RBPJ: variants seen among roughly 807,000 people sequenced by gnomAD.
RBPJ encodes the protein recombination signal binding protein for immunoglobulin kappa J region, also known as recombining binding protein suppressor of hairless.
Under a neutral mutation model 67.8 loss-of-function variants are expected in RBPJ, and 9 were observed. The observed-to-expected ratio is 0.13, with a 90% CI of 0.08 to 0.23. The LOEUF (loss-of-function observed/expected upper bound fraction) is 0.23, where lower values mean the gene tolerates loss of function less well. Among genes scored for constraint, RBPJ ranks in the 10% least tolerant of loss-of-function variants. RBPJ has a pLI of 1.00. For synonymous variants in RBPJ, 198 were observed against 203.3 expected (o/e 0.97, Z 0.22); for missense variants, 305 against 595.6 (o/e 0.51, Z 5.08).
At chr4:26,346,715 G>A (rs528899649) in intron 1 of RBPJ, among the ~76,000 whole-genome samples, 2 of 152,250 alleles carry the variant, frequency 1.3e-5, no homozygotes, top group South Asian at 2.1e-4. Context: ...TTGGCCGGGC[G>A]CTGCGGCTCA....
chr4:26,426,358 AAGTACC>A (rs1735670693), intron 7 of RBPJ, among the ~76,000 whole-genome samples: 1 of 152,202 alleles, frequency 6.6e-6, no homozygotes, highest in African/African-American at 2.4e-5. Flanking sequence ...GTTGTTTGTA[AAGTACC>A]AGTAGCCTGC....
intron 1 of RBPJ, among the ~76,000 whole-genome samples, chr4:26,206,933 T>C (rs1718189771): frequency 6.6e-6 from 1 of 152,168 alleles, no homozygotes; most frequent in South Asian, 2.1e-4. Flanking sequence ...ATACCTGTTC[T>C]GAAAAATCAT....
chr4:26,254,806 G>T (rs372699414), intron 1 of RBPJ, among the ~76,000 whole-genome samples: 2 of 137,530 alleles, frequency 1.5e-5, no homozygotes, highest in African/African-American at 3.0e-5. Flanking sequence ...GCCTCCAGAG[G>T]AGCTGGGACT....
chr4:26,129,815 A>G, the RBPJ span, among the ~76,000 whole-genome samples: 1 of 150,366 alleles, frequency 6.7e-6, no homozygotes, highest in Non-Finnish European at 1.5e-5. Context: ...CATCACCTGA[A>G]TTTTTTTTTT....
chr4:26,422,555 G>C lies in RBPJ; in HGVS notation c.497-1787G>C, dbSNP rs1735251844. 2.6e-5 allele frequency among the ~76,000 whole-genome samples: 4 copies of C among 151,994 alleles called. No homozygotes were observed. In the South Asian group the frequency reaches 8.3e-4, roughly 32 times the overall value. On this transcript the variant is annotated intron_variant, in intron 5 of 10. Coordinates refer to ENST00000355476, the MANE Select transcript of RBPJ (RefSeq NM_015874.6). ...TGACCAGTGGGGTTTTAGGGTTTTT[G>C]TTTTGTTTGCTTTCTTTTCATTTTG... is the stretch of plus-strand genomic sequence containing the variant.
In RBPJ at chr4:26,222,926, C is replaced by T. The variant is rs145096608; in HGVS notation, c.-167+59312C>T. Among the ~76,000 whole-genome samples the T allele has an allele frequency of 6.3e-3, 954 of 151,782 alleles. 11 individuals are homozygous for T. The highest frequency in any genetic ancestry group is 0.022 in the African/African-American group (918 of 41,460). On this transcript the variant is annotated intron_variant, in intron 1 of 4. Coordinates refer to the RBPJ transcript ENST00000512351. Reference sequence around the variant, plus strand: ...ATTCCAGCACTTTGGGAGGCCGAGGCGGGCGGATCACGAGGTCAGAAGTTC... The same window carrying T: ...ATTCCAGCACTTTGGGAGGCCGAGGTGGGCGGATCACGAGGTCAGAAGTTC...
chr4:26,125,300 C>A, the RBPJ span, among the ~76,000 whole-genome samples: 1 of 152,204 alleles, frequency 6.6e-6, no homozygotes, highest in African/African-American at 2.4e-5. Context: ...GAAGTCCCCT[C>A]TCCACCACAC....
At chr4:26,351,932 C>T (rs557149575) in intron 1 of RBPJ, among the ~76,000 whole-genome samples, 1 of 152,242 alleles carries the variant, frequency 6.6e-6, no homozygotes, top group East Asian at 1.9e-4. Flanking sequence ...ACAGTGTGTG[C>T]TAAGAGCTGC....
chr4:26,391,704 A>G (rs1426536019), intron 2 of RBPJ, among the ~76,000 whole-genome samples: 1 of 152,220 alleles, frequency 6.6e-6, no homozygotes, highest in Non-Finnish European at 1.5e-5. Flanking sequence ...AATAATAAGG[A>G]AACAATCCAT....
chr4:26,223,976 G>A (rs1175524242), intron 1 of RBPJ, among the ~76,000 whole-genome samples: 1 of 152,180 alleles, frequency 6.6e-6, no homozygotes, highest in African/African-American at 2.4e-5. Flanking sequence ...GGGAATAATT[G>A]TCTCCACCTA....
chr4:26,397,898 G>A (rs1326101080), intron 2 of RBPJ, among the ~76,000 whole-genome samples: 1 of 152,240 alleles, frequency 6.6e-6, no homozygotes, highest in African/African-American at 2.4e-5. Flanking sequence ...CTCCCAAAGT[G>A]CTGGGATTAC....
chr4:26,293,491 C>T lies in RBPJ; in HGVS notation c.-166-68955C>T, dbSNP rs1034709201. On this transcript the variant is annotated intron_variant, in intron 1 of 4. Coordinates refer to the RBPJ transcript ENST00000512351. ...CTCACAAAAAATTTTTTTTAATTAGCCAAGTCTGGTGGCACATGCCTAAAG... is the reference window on the plus strand; with the variant it reads ...CTCACAAAAAATTTTTTTTAATTAGTCAAGTCTGGTGGCACATGCCTAAAG... 1.2e-3 allele frequency among the ~76,000 whole-genome samples: 183 copies of T among 149,696 alleles called. 9 individuals carry two copies. Among genetic ancestry groups the T allele is most frequent in the African/African-American group, 4.3e-3 (175 of 40,702 alleles).
chr4:26,397,259 C>T (rs1356174680), intron 2 of RBPJ, among the ~76,000 whole-genome samples: 1 of 152,136 alleles, frequency 6.6e-6, no homozygotes, highest in Non-Finnish European at 1.5e-5. Context: ...AAAGGCGAGA[C>T]TGCCAGAGTC....
At chr4:26,113,513 A>G in the RBPJ span, 139 of 543,182 alleles carry the variant, frequency 2.6e-4, no homozygotes, top group Admixed American at 4.2e-4. Context: ...ATGTGGAAAA[A>G]CGTTCTGTGC....
At position 26,188,872 on chromosome 4, in the gene RBPJ, G is replaced by C. The variant is rs559288402; in HGVS notation, c.-167+25258G>C. 1.2e-4 allele frequency among the ~76,000 whole-genome samples: 18 copies of C among 152,232 alleles called. No individual in the cohort carries two copies. The South Asian group carries it at 3.5e-3, about 30-fold the overall frequency. On this transcript the variant is annotated intron_variant, in intron 1 of 4. Coordinates refer to the RBPJ transcript ENST00000512351. ...ATCAAGTTTACATTGATATAGATCT[G>C]ATTTAATTAATTTTATAAGTATTAA...
intron 8 of RBPJ, among the ~76,000 whole-genome samples, chr4:26,429,091 C>T (rs1306692564): frequency 6.6e-6 from 1 of 152,130 alleles, no homozygotes; most frequent in Non-Finnish European, 1.5e-5. Flanking sequence ...AAACAGTTAA[C>T]ATCTAGTTCC....
chr4:26,222,985 C>T (rs1445697597), intron 1 of RBPJ, among the ~76,000 whole-genome samples: 1 of 151,794 alleles, frequency 6.6e-6, no homozygotes, highest in Non-Finnish European at 1.5e-5. Flanking sequence ...GAAACCCCGT[C>T]TCTACTAAAA....
At chr4:26,288,273 G>C (rs1263437664) in intron 1 of RBPJ, among the ~76,000 whole-genome samples, 2 of 152,228 alleles carry the variant, frequency 1.3e-5, no homozygotes, top group African/African-American at 2.4e-5. Flanking sequence ...TTGTAGTCAA[G>C]AAGTTGGCTG....
chr4:26,231,933 C>G (rs1359152879), intron 1 of RBPJ, among the ~76,000 whole-genome samples: 1 of 151,418 alleles, frequency 6.6e-6, no homozygotes, highest in African/African-American at 2.4e-5. Context: ...ACTCTGTCGC[C>G]CAGGCTGGAG....
Sources: allele counts gnomAD v4.1 joint callset (sites outside exome capture counted in the v4.1 genomes callset), GRCh38; gene constraint gnomAD v4.1.1; transcripts MANE v1.5; gene names NCBI Gene and HGNC (gene_info 2026-07-23, HGNC 2026-07-21).